The following COL22A1 variants were observed in gnomAD, a reference collection of about 807,000 sequenced individuals.
The protein encoded by COL22A1 is collagen alpha-1(XXII) chain.
A neutral mutation model predicts 248.9 loss-of-function variants in COL22A1; 221 were observed. The ratio of observed to expected loss-of-function variants is 0.89; its 90% confidence interval spans 0.80 to 0.99. The LOEUF (loss-of-function observed/expected upper bound fraction) is 0.99, where lower values mean the gene tolerates loss of function less well. COL22A1 is among the 50% of genes least tolerant of loss of function. COL22A1 has a pLI of 0.00. For synonymous variants in COL22A1, 891 were observed against 793.4 expected (o/e 1.12, Z -2.07); for missense variants, 2,240 against 2,179.0 (o/e 1.03, Z -0.56).
At chr8:138,810,265 C>T (rs1266829146) in intron 9 of COL22A1, among the ~76,000 whole-genome samples, 1 of 152,186 alleles carries the variant, frequency 6.6e-6, no homozygotes, top group African/African-American at 2.4e-5. Flanking sequence ...TTGGGTCTGG[C>T]ATCGCTCCTG....
chr8:138,713,289 A>G (rs1167608408), intron 30 of COL22A1, among the ~76,000 whole-genome samples: 3 of 151,980 alleles, frequency 2.0e-5, no homozygotes, highest in African/African-American at 7.2e-5. Flanking sequence ...GGTCCCAGCC[A>G]AGCTTTGGTT....
chr8:138,762,285 T>C (rs1833551936), intron 17 of COL22A1, 128 bp downstream of exon 17: 12 of 897,742 alleles, frequency 1.3e-5, no homozygotes, highest in Non-Finnish European at 1.9e-5. Context: ...CTAAGCCTCC[T>C]GCAGCCTCCA....
chr8:138,700,027 A>G, intron 32 of COL22A1, 85 bp downstream of exon 32: 1 of 1,306,904 alleles, frequency 7.7e-7, no homozygotes, highest in East Asian at 2.4e-5. Context: ...TCCTCACCCC[A>G]CCCAGTCCAG....
At chr8:138,680,218 G>A (rs1825855719) in intron 39 of COL22A1, among the ~76,000 whole-genome samples, 1 of 152,214 alleles carries the variant, frequency 6.6e-6, no homozygotes, top group African/African-American at 2.4e-5. Context: ...AGATGTGGGA[G>A]GAAGGAAGTG....
chr8:138,858,434 G>A (rs1001161288), intron 3 of COL22A1, among the ~76,000 whole-genome samples: 4 of 151,932 alleles, frequency 2.6e-5, no homozygotes, highest in South Asian at 2.1e-4. Context: ...AGGCTGGAGT[G>A]CAGTGGTGCA....
intron 3 of COL22A1, among the ~76,000 whole-genome samples, chr8:138,861,400 G>T (rs891982744): frequency 1.3e-5 from 2 of 152,182 alleles, no homozygotes; most frequent in African/African-American, 4.8e-5. Context: ...CAAAAGAGCT[G>T]GCAAGTCAGT....
chr8:138,676,520 C>A lies in COL22A1; in HGVS notation c.3150+38G>T, dbSNP rs2130804572. On this transcript the variant is annotated intron_variant, in intron 41 of 64. Transcript: ENST00000303045. Reference sequence around the variant, plus strand: ...GGTCCAACAGGAAATGGCTGTATGTCCTGAAAGCAAGTAAGAGCTGGATAA... The same window carrying A: ...GGTCCAACAGGAAATGGCTGTATGTACTGAAAGCAAGTAAGAGCTGGATAA... 14 of 1,397,052 alleles carry A rather than the reference C, an allele frequency of 1.0e-5. 1 individual carries two copies. The highest frequency in any genetic ancestry group is 1.4e-5 in the Non-Finnish European group (14 of 1,022,530). 86.5% of individuals were successfully genotyped at this position (1,397,052 alleles called of 1,614,324 possible).
chr8:138,831,661 T>C (rs1820054963), intron 5 of COL22A1, among the ~76,000 whole-genome samples: 1 of 151,920 alleles, frequency 6.6e-6, no homozygotes, highest in African/African-American at 2.4e-5. Flanking sequence ...TGGGAGGACC[T>C]AGAACAGAGA....
chr8:138,800,739 G>C (rs1283143022), intron 11 of COL22A1, among the ~76,000 whole-genome samples: 1 of 152,152 alleles, frequency 6.6e-6, no homozygotes, highest in East Asian at 1.9e-4. Flanking sequence ...TTTGTTCTCT[G>C]GCTGATTCTG....
chr8:138,661,310 G>T (rs540127875), intron 43 of COL22A1, among the ~76,000 whole-genome samples: 1 of 152,344 alleles, frequency 6.6e-6, no homozygotes, highest in South Asian at 2.1e-4. Context: ...AGGACATTTT[G>T]TTGTTCCTGC....
chr8:138,774,039 T>C (rs1009519511), intron 16 of COL22A1, among the ~76,000 whole-genome samples: 1 of 152,108 alleles, frequency 6.6e-6, no homozygotes, highest in Non-Finnish European at 1.5e-5. Context: ...CAAATGCCAC[T>C]TTTATGTCCT....
chr8:138,617,422 G>A (rs1257202331), intron 53 of COL22A1, among the ~76,000 whole-genome samples: 1 of 152,142 alleles, frequency 6.6e-6, no homozygotes, highest in East Asian at 1.9e-4. Context: ...CAACACCCCT[G>A]AGTAGGTTCA....
chr8:138,592,559 C>A (rs1817168972), intron 63 of COL22A1, among the ~76,000 whole-genome samples: 1 of 152,014 alleles, frequency 6.6e-6, no homozygotes, highest in Admixed American at 6.6e-5. Flanking sequence ...TAACAAAAAG[C>A]CTTTCAAGTA....
chr8:138,826,450 A>C (rs1315021412), intron 6 of COL22A1, among the ~76,000 whole-genome samples: 1 of 152,188 alleles, frequency 6.6e-6, no homozygotes, highest in Non-Finnish European at 1.5e-5. Context: ...AAGGCCTGGT[A>C]CTACATTATC....
At chr8:138,886,902 T>C (rs1053765001) in intron 1 of COL22A1, among the ~76,000 whole-genome samples, 2 of 152,294 alleles carry the variant, frequency 1.3e-5, no homozygotes, top group African/African-American at 4.8e-5. Context: ...TATATACATA[T>C]ATTTTTTTAC....
intron 35 of COL22A1, among the ~76,000 whole-genome samples, chr8:138,691,619 G>T (rs543789925): frequency 6.6e-6 from 1 of 151,974 alleles, no homozygotes; most frequent in African/African-American, 2.4e-5. Context: ...ATGTGTGCAC[G>T]TTTGTGGAGG....
At chr8:138,812,183 A>G (rs1818295535) in intron 8 of COL22A1, among the ~76,000 whole-genome samples, 1 of 151,494 alleles carries the variant, frequency 6.6e-6, no homozygotes, top group Admixed American at 6.6e-5. Context: ...CCCTATTCTC[A>G]CCTCCTCCTT....
intron 9 of COL22A1, among the ~76,000 whole-genome samples, chr8:138,810,298 C>T (rs1043498010): frequency 6.6e-6 from 1 of 152,256 alleles, no homozygotes; most frequent in African/African-American, 2.4e-5. Flanking sequence ...TGTGTGCACA[C>T]TGGCTTGTGA....
chr8:138,857,155 G>C (rs1026490144), intron 3 of COL22A1, among the ~76,000 whole-genome samples: 1 of 151,666 alleles, frequency 6.6e-6, no homozygotes, highest in Non-Finnish European at 1.5e-5. Flanking sequence ...ACCTCTATCT[G>C]CTGACCCCAT....
Sources: allele counts gnomAD v4.1 joint callset (sites outside exome capture counted in the v4.1 genomes callset), GRCh38; gene constraint gnomAD v4.1.1; transcripts MANE v1.5; gene names NCBI Gene and HGNC (gene_info 2026-07-23, HGNC 2026-07-21).